GPR157: variants seen among roughly 807,000 people sequenced by gnomAD.
GPR157 encodes G-protein coupled receptor 157.
GPR157 carries 16 observed loss-of-function variants against 23.5 expected under a neutral mutation model. The ratio of observed to expected loss-of-function variants is 0.68; its 90% CI spans 0.46 to 1.04. The LOEUF (loss-of-function observed/expected upper bound fraction) is 1.04, where lower values mean the gene tolerates loss of function less well. Ranked by LOEUF, GPR157 falls within the 50% of genes least tolerant of loss-of-function variation. The pLI, the probability that GPR157 is intolerant of heterozygous loss-of-function variation, is 0.00. For missense variants in GPR157, 440 were observed against 460.7 expected (o/e 0.96, Z 0.41); for synonymous variants, 200 against 221.5 (o/e 0.90, Z 0.86).
chr1:9,128,392 G>A lies in GPR157; in HGVS notation c.383+253C>T, dbSNP rs1226687040. 4.3e-6 allele frequency: 3 copies of A among 691,362 alleles called. No homozygotes were observed. The Admixed American group carries it at 6.1e-5, about 14-fold the overall frequency. 42.8% of individuals were successfully genotyped at this position (691,362 alleles called of 1,614,324 possible). ...CCAAGGAAACAGGGCCCGGCTCTGG[G>A]GGCGAACTCTGTCCCCACTACCCCA... On this transcript the variant is annotated intron_variant, in intron 1 of 3. Transcript: ENST00000377411. This position sits in a 1 kb window ranked among gnomAD's most constrained non-coding sequence, Gnocchi z 6.3.
intron 1 of GPR157, among the ~76,000 whole-genome samples, chr1:9,113,493 G>A (rs1638559245): frequency 6.6e-6 from 1 of 152,146 alleles, no homozygotes; most frequent in Admixed American, 6.5e-5. Flanking sequence ...AGAACAGAGG[G>A]GCCCTGGCCA....
chr1:9,109,394 TTTTA>T (rs530043151), intron 2 of GPR157, among the ~76,000 whole-genome samples: 1 of 151,148 alleles, frequency 6.6e-6, no homozygotes, highest in Non-Finnish European at 1.5e-5. Context: ...TAATTTTAAT[TTTTA>T]TTTATTTTTT....
At chr1:9,110,837 CCA>C (rs1443272275) in intron 2 of GPR157, among the ~76,000 whole-genome samples, 1 of 152,194 alleles carries the variant, frequency 6.6e-6, no homozygotes, top group African/African-American at 2.4e-5. Context: ...TTGTGAAATT[CCA>C]CAGTCTTCCC....
In GPR157 at chr1:9,128,542, G is replaced by T; in HGVS notation, c.383+103C>A. On this transcript the variant is annotated intron_variant, in intron 1 of 3. Transcript: ENST00000377411. This position sits in a 1 kb window ranked among gnomAD's most constrained non-coding sequence, Gnocchi z 6.3. ...GGCGCCAGCAGGCACTGCTTGCTGTGGGTAGGGGGTGTCCAACCTAGACGC... is the reference window on the plus strand; with the variant it reads ...GGCGCCAGCAGGCACTGCTTGCTGTTGGTAGGGGGTGTCCAACCTAGACGC... 2 of 1,104,714 alleles carry T rather than the reference G, an allele frequency of 1.8e-6. No homozygotes were observed. Among genetic ancestry groups the T allele is most frequent in the South Asian group, 1.4e-5 (1 of 73,656 alleles). The allele number at this position is 1,104,714 out of a possible 1,614,324, so 68.4% of individuals were successfully genotyped here. A position where few individuals can be genotyped will look rare whatever the true frequency, so the allele number is the denominator to read the frequency against.
chr1:9,113,211 C>T (rs1375718956), intron 1 of GPR157, among the ~76,000 whole-genome samples: 1 of 152,126 alleles, frequency 6.6e-6, no homozygotes, highest in East Asian at 1.9e-4. Flanking sequence ...GCGTGGGGCC[C>T]GTCTGGTTTC....
At chr1:9,104,948 C>T (rs1006447125) in intron 3 of GPR157, among the ~76,000 whole-genome samples, 51 of 150,940 alleles carry the variant, frequency 3.4e-4, no homozygotes, top group African/African-American at 6.8e-4. Flanking sequence ...TGCAGTGAGC[C>T]GAGATCCCAC....
In GPR157 at chr1:9,105,420, G is replaced by A. The variant is rs1367789870; in HGVS notation, c.792+66C>T. ...CACTGGGGTGCAGCCACTGTGCTGC[G>A]GGAAGGAATCAGGCTGTGCCTCCTC... is the stretch of plus-strand genomic sequence containing the variant. On this transcript the variant is annotated intron_variant, in intron 3 of 3. Transcript: ENST00000377411. This position sits in a 1 kb window ranked among gnomAD's most constrained non-coding sequence, Gnocchi z 4.8. 3.1e-5 allele frequency: 44 copies of A among 1,409,162 alleles called. No individual in the cohort carries two copies. Among genetic ancestry groups the A allele is most frequent in the Middle Eastern group, 4.9e-4 (2 of 4,098 alleles). 87.3% of individuals were successfully genotyped at this position (1,409,162 alleles called of 1,614,324 possible).
chr1:9,108,741 T>C (rs974225653), intron 2 of GPR157, among the ~76,000 whole-genome samples: 3 of 152,078 alleles, frequency 2.0e-5, no homozygotes, highest in Non-Finnish European at 4.4e-5. Context: ...CCTGCCTCAC[T>C]GTCTCAGCCT....
chr1:9,104,418 C>T lies in GPR157; in HGVS notation c.*1G>A, dbSNP rs756870985. ...TGCACAGAACTAGAAAGGACAAAAG[C>T]TCAGGTGCTTGGAAGTTCCCCTGGG... is the stretch of plus-strand genomic sequence containing the variant. On this transcript the variant is annotated 3_prime_UTR_variant, in exon 4 of 4. Transcript: ENST00000377411. 2.6e-5 allele frequency: 42 copies of T among 1,613,020 alleles called. No homozygotes were observed. The highest frequency in any genetic ancestry group is 3.1e-5 in the Non-Finnish European group (37 of 1,179,216).
chr1:9,126,067 C>A (rs995614165), intron 1 of GPR157, among the ~76,000 whole-genome samples: 5 of 151,612 alleles, frequency 3.3e-5, no homozygotes, highest in Non-Finnish European at 7.4e-5. Context: ...CAGGTTCAAG[C>A]GAGTCTCCTG....
chr1:9,128,195 A>G lies in GPR157; in HGVS notation c.383+450T>C, dbSNP rs1042550914. Reference sequence around the variant, plus strand: ...AGCTCGGGAGTGGCGGAGTGCACCAAGCTCACTGTGGCTTGGGGTGGGGTG... The same window carrying G: ...AGCTCGGGAGTGGCGGAGTGCACCAGGCTCACTGTGGCTTGGGGTGGGGTG... On this transcript the variant is annotated intron_variant, in intron 1 of 3. Transcript: ENST00000377411. This position sits in a 1 kb window ranked among gnomAD's most constrained non-coding sequence, Gnocchi z 6.3. The G allele has an allele frequency of 1.1e-5, 5 of 451,882 alleles. No homozygotes were observed. Among genetic ancestry groups the G allele is most frequent in the Admixed American group, 7.3e-5 (3 of 41,014 alleles). The allele number at this position is 451,882 out of a possible 1,614,324, so 28.0% of individuals were successfully genotyped here. A position where few individuals can be genotyped will look rare whatever the true frequency, so the allele number is the denominator to read the frequency against.
At position 9,128,275 on chromosome 1, in the gene GPR157, G is replaced by A. The variant is rs1349391951; in HGVS notation, c.383+370C>T. 8 of 518,772 alleles carry A rather than the reference G, an allele frequency of 1.5e-5. No individual in the cohort carries two copies. The highest frequency in any genetic ancestry group is 1.1e-4 in the African/African-American group (6 of 52,478). 32.1% of individuals were successfully genotyped at this position (518,772 alleles called of 1,614,324 possible). A position where few individuals can be genotyped will look rare whatever the true frequency, so the allele number is the denominator to read the frequency against. ...CCAGCCCGGGACAGTTACCTAACTC[G>A]TCTCCCAGCCTGTTTCCCCATGGGC... is the stretch of plus-strand genomic sequence containing the variant. On this transcript the variant is annotated intron_variant, in intron 1 of 3. Coordinates refer to ENST00000377411, the MANE Select transcript of GPR157 (RefSeq NM_024980.5). This position sits in a 1 kb window ranked among gnomAD's most constrained non-coding sequence, Gnocchi z 6.3.
chr1:9,104,321 G>T lies in GPR157; in HGVS notation c.*98C>A. 1.2e-6 allele frequency: 1 copy of T among 864,100 alleles called. No homozygotes were observed. The highest frequency in any genetic ancestry group is 1.8e-6 in the Non-Finnish European group (1 of 540,966). The allele number at this position is 864,100 out of a possible 1,614,324, so 53.5% of individuals were successfully genotyped here. ...AGCATCAATAGCGGGGGCTTCTGGTGCAGCAGACATGCACTTCTGCCCCTG... is the reference window on the plus strand; with the variant it reads ...AGCATCAATAGCGGGGGCTTCTGGTTCAGCAGACATGCACTTCTGCCCCTG... On this transcript the variant is annotated 3_prime_UTR_variant, in exon 4 of 4. Transcript: ENST00000377411.
chr1:9,123,163 G>GGTAA (rs374439585), intron 1 of GPR157, among the ~76,000 whole-genome samples: 4 of 87,564 alleles, frequency 4.6e-5, no homozygotes, highest in African/African-American at 1.3e-4. Context: ...TCTTGGGTGG[G>GGTAA]AAAAAAAAAA....
intron 2 of GPR157, among the ~76,000 whole-genome samples, chr1:9,107,358 G>T (rs951532373): frequency 6.6e-6 from 1 of 152,044 alleles, no homozygotes; most frequent in African/African-American, 2.4e-5. Flanking sequence ...ATTTTTTTTG[G>T]CCAGGAGTGG....
intron 1 of GPR157, among the ~76,000 whole-genome samples, chr1:9,113,663 G>C (rs1021644315): frequency 6.6e-6 from 1 of 152,212 alleles, no homozygotes; most frequent in Admixed American, 6.5e-5. Context: ...ACCACAAAAG[G>C]CCAGGCGCGG....
Position 9,105,095 on chromosome 1 carries a change from A to G in GPR157, c.792+391T>C, listed in dbSNP as rs1638260518. ...TGCATACACACATGCATACATGCAC[A>G]CACATGGGGTAGCTGGGAAGTGCTG... On this transcript the variant is annotated intron_variant, in intron 3 of 3. Coordinates refer to ENST00000377411, the MANE Select transcript of GPR157 (RefSeq NM_024980.5). This position sits in a 1 kb window ranked among gnomAD's most constrained non-coding sequence, Gnocchi z 4.8. 6.7e-6 allele frequency among the ~76,000 whole-genome samples: 1 copy of G among 149,582 alleles called. No individual in the cohort carries two copies. The highest frequency in any genetic ancestry group is 2.5e-5 in the African/African-American group (1 of 40,680).
rs1638669661 is a variant in GPR157, at chr1:9,116,323, TATAA to T, written c.384-4838_384-4835del. 5.5e-5 allele frequency among the ~76,000 whole-genome samples: 2 copies of T among 36,610 alleles called. 1 individual carries two copies. Among genetic ancestry groups the T allele is most frequent in the Non-Finnish European group, 7.9e-5 (2 of 25,342 alleles). The allele number at this position is 36,610 out of a possible 152,430, so 24.0% of individuals were successfully genotyped here. ...TATATATTATATTATATATAATATA[TATAA>T]ATTATATATAATTTATATATAATTA... On this transcript the variant is annotated intron_variant, in intron 1 of 3. Transcript: ENST00000377411.
At chr1:9,117,717 G>A (rs1053470244) in intron 1 of GPR157, among the ~76,000 whole-genome samples, 4 of 151,972 alleles carry the variant, frequency 2.6e-5, no homozygotes, top group African/African-American at 9.7e-5. Context: ...AACTGAGATC[G>A]CGCCACTGTA....
Sources: allele counts gnomAD v4.1 joint callset (sites outside exome capture counted in the v4.1 genomes callset), GRCh38; gene constraint gnomAD v4.1.1; non-coding constraint Gnocchi (gnomAD v3.1); transcripts MANE v1.5; gene names NCBI Gene and HGNC (gene_info 2026-07-23, HGNC 2026-07-21).